The following KIRREL3 variants were observed in gnomAD, a reference collection of about 807,000 sequenced individuals.
The protein encoded by KIRREL3 is kin of IRRE-like protein 3.
A neutral mutation model predicts 89.7 loss-of-function variants in KIRREL3; 36 were observed. The ratio of observed to expected loss-of-function variants is 0.40; its 90% confidence interval spans 0.31 to 0.53. KIRREL3 has a LOEUF of 0.53. Ranked by LOEUF, KIRREL3 falls within the 20% of genes least tolerant of loss-of-function variation. The pLI is 0.49. For synonymous variants in KIRREL3, 445 were observed against 441.4 expected, an observed-to-expected ratio of 1.01 and a Z score of -0.10; for missense variants, 864 against 1,056.6, an observed-to-expected ratio of 0.82 and a Z score of 2.53.
In KIRREL3 at chr11:126,776,357, A is replaced by T. The variant is rs1950168924; in HGVS notation, c.56-213445T>A. On this transcript the variant is annotated intron_variant, in intron 1 of 16. Transcript: ENST00000525144. The surrounding 1 kb of genome is among the most constrained non-coding windows in gnomAD (Gnocchi z 4.7). ...CTGAGAGTCAAAACACCTGGGCTTCAGGTCTGTCTTACGCAAGTCATGAAA... is the reference window on the plus strand; with the variant it reads ...CTGAGAGTCAAAACACCTGGGCTTCTGGTCTGTCTTACGCAAGTCATGAAA... Among the ~76,000 whole-genome samples, 1 of 152,218 alleles carries T rather than the reference A, an allele frequency of 6.6e-6. No individual in the cohort carries two copies. Among genetic ancestry groups the T allele is most frequent in the Non-Finnish European group, 1.5e-5 (1 of 68,034 alleles).
chr11:126,636,571 T>A lies in KIRREL3; in HGVS notation c.56-73659A>T, dbSNP rs1565609932. Among the ~76,000 whole-genome samples the A allele has an allele frequency of 6.6e-6, 1 of 152,210 alleles. No individual in the cohort carries two copies. ...TGCCCCTCATCCTGCCCCCCAGATC[T>A]CACTGCTCTCTGAGTCTTACCTTAG... On this transcript the variant is annotated intron_variant, in intron 1 of 16. Coordinates refer to ENST00000525144, the MANE Select transcript of KIRREL3 (RefSeq NM_032531.4). The surrounding 1 kb of genome is among the most constrained non-coding windows in gnomAD (Gnocchi z 4.4).
At chr11:126,573,081 GT>G (rs1329722762) in intron 1 of KIRREL3, among the ~76,000 whole-genome samples, 1 of 152,156 alleles carries the variant, frequency 6.6e-6, no homozygotes, top group Non-Finnish European at 1.5e-5. Context: ...GTGGGCTAAG[GT>G]CCAGTGGGCT....
In KIRREL3 at chr11:126,474,860, T is replaced by C. The variant is rs76896725; in HGVS notation, c.434-1394A>G. 6.6e-6 allele frequency among the ~76,000 whole-genome samples: 1 copy of C among 152,316 alleles called. No individual in the cohort carries two copies. The highest frequency in any genetic ancestry group is 2.4e-5 in the African/African-American group (1 of 41,562). ...GAGAGGCCCAGAAATCTGAAGTACC[T>C]TGCCTAGGACACAGGGCCTTTCCCA... is the stretch of plus-strand genomic sequence containing the variant. On this transcript the variant is annotated intron_variant, in intron 4 of 16. Transcript: ENST00000525144. The surrounding 1 kb of genome is among the most constrained non-coding windows in gnomAD (Gnocchi z 6.7).
intron 15 of KIRREL3, among the ~76,000 whole-genome samples, chr11:126,426,051 T>A (rs1044738919): frequency 6.6e-6 from 1 of 152,228 alleles, no homozygotes; most frequent in African/African-American, 2.4e-5. Context: ...GACTGAACGT[T>A]TATTGTAAAA....
At chr11:126,720,456 C>T (rs1191476138) in intron 1 of KIRREL3, among the ~76,000 whole-genome samples, 1 of 152,162 alleles carries the variant, frequency 6.6e-6, no homozygotes, top group Non-Finnish European at 1.5e-5. Flanking sequence ...AAGATTTTAC[C>T]ACTCTGGTTA....
intron 1 of KIRREL3, among the ~76,000 whole-genome samples, chr11:126,681,620 A>ACAC (rs1946459263): frequency 6.6e-6 from 1 of 152,142 alleles, no homozygotes; most frequent in South Asian, 2.1e-4. Flanking sequence ...ACACACACAC[A>ACAC]CACACACCAG....
Position 126,475,871 on chromosome 11 carries a change from G to A in KIRREL3, c.434-2405C>T, listed in dbSNP as rs1957049282. Among the ~76,000 whole-genome samples the A allele has an allele frequency of 6.6e-6, 1 of 152,222 alleles. No individual in the cohort carries two copies. Among genetic ancestry groups the A allele is most frequent in the Non-Finnish European group, 1.5e-5 (1 of 68,042 alleles). On this transcript the variant is annotated intron_variant, in intron 4 of 16. Transcript: ENST00000525144. This position sits in a 1 kb window ranked among gnomAD's most constrained non-coding sequence, Gnocchi z 7.5. Reference sequence around the variant, plus strand: ...TGCAGCAGGAAGAGCAGGGCTCAGAGGTGGCCAGCCTTCACCCTTCTTTCT... The same window carrying A: ...TGCAGCAGGAAGAGCAGGGCTCAGAAGTGGCCAGCCTTCACCCTTCTTTCT...
rs1246825858 is a variant in KIRREL3, at chr11:126,683,123, T to C, written c.56-120211A>G. 2.0e-5 allele frequency among the ~76,000 whole-genome samples: 3 copies of C among 152,132 alleles called. No homozygotes were observed. The highest frequency in any genetic ancestry group is 7.2e-5 in the African/African-American group (3 of 41,422). On this transcript the variant is annotated intron_variant, in intron 1 of 16. Transcript: ENST00000525144. The surrounding 1 kb of genome is among the most constrained non-coding windows in gnomAD (Gnocchi z 5.2). ...TTACCGCCTCAGCCTTCCAAAGTGTTGCAATTACAAGCGTGAGCCACAGCA... is the reference window on the plus strand; with the variant it reads ...TTACCGCCTCAGCCTTCCAAAGTGTCGCAATTACAAGCGTGAGCCACAGCA...
intron 11 of KIRREL3, among the ~76,000 whole-genome samples, chr11:126,437,830 TACAC>T (rs918768693): frequency 1.5e-4 from 23 of 152,062 alleles, no homozygotes; most frequent in African/African-American, 5.1e-4. Context: ...CTGCAACACA[TACAC>T]ACATTCGCCA....
In KIRREL3 at chr11:126,689,042, A is replaced by AAGAGAGAGAGAGAG. The variant is rs58257040; in HGVS notation, c.56-126144_56-126131dup. Reference sequence around the variant, plus strand: ...ATGTGTGTGTGTGTAAGGGGGAGAGAAGAGAGAGAGAGAGAGAGAGAGAGA... The same window carrying AAGAGAGAGAGAGAG: ...ATGTGTGTGTGTGTAAGGGGGAGAGAAGAGAGAGAGAGAGAGAGAGAGAGAGAGAGAGAGAGAGA... On this transcript the variant is annotated intron_variant, in intron 1 of 16. Transcript: ENST00000525144. The surrounding 1 kb of genome is among the most constrained non-coding windows in gnomAD (Gnocchi z 5.2). Among the ~76,000 whole-genome samples, 47 of 129,814 alleles carry AAGAGAGAGAGAGAG rather than the reference A, an allele frequency of 3.6e-4. No individual in the cohort carries two copies. In the South Asian group the frequency reaches 5.6e-3, roughly 15 times the overall value. The allele number at this position is 129,814 out of a possible 152,430, so 85.2% of individuals were successfully genotyped here. A position where few individuals can be genotyped will look rare whatever the true frequency, so the allele number is the denominator to read the frequency against.
chr11:126,435,203 T>TC lies in KIRREL3; in HGVS notation c.1588+64dup, dbSNP rs539539587. ...CCTCCCTACCCCCTGCTGGGTTCCC[T>TC]CCCCAGCTAGCCAGGAAGTCCCTTC... On this transcript the variant is annotated intron_variant, in intron 13 of 16. Coordinates refer to ENST00000525144, the MANE Select transcript of KIRREL3 (RefSeq NM_032531.4). The TC allele has an allele frequency of 1.7e-3, 2,698 of 1,564,156 alleles. 9 individuals carry two copies. Among genetic ancestry groups the TC allele is most frequent in the Non-Finnish European group, 2.1e-3 (2,366 of 1,136,672 alleles).
At chr11:126,933,679 C>CAATTCTTAATTAAGAATTGATATCTT (rs1456760444) in intron 1 of KIRREL3, among the ~76,000 whole-genome samples, 27 of 151,112 alleles carry the variant, frequency 1.8e-4, no homozygotes, top group Non-Finnish European at 3.5e-4. Context: ...ATTAAGATAT[C>CAATTCTTAATTAAGAATTGATATCTT]AATTCCATTT....
intron 1 of KIRREL3, among the ~76,000 whole-genome samples, chr11:126,634,411 A>G (rs1342087056): frequency 6.6e-6 from 1 of 152,194 alleles, no homozygotes; most frequent in African/African-American, 2.4e-5. Flanking sequence ...GCTCATCACA[A>G]TACCATAGTT....
chr11:126,586,639 T>C (rs958594674), intron 1 of KIRREL3, among the ~76,000 whole-genome samples: 40 of 152,134 alleles, frequency 2.6e-4, no homozygotes, highest in Non-Finnish European at 5.9e-5. Context: ...AACTCGGGTC[T>C]TTTGGCTTCA....
At position 126,876,364 on chromosome 11, in the gene KIRREL3, C is replaced by A. The variant is rs1425066812; in HGVS notation, c.55+124091G>T. Among the ~76,000 whole-genome samples, 1 of 152,072 alleles carries A rather than the reference C, an allele frequency of 6.6e-6. No individual in the cohort carries two copies. Among genetic ancestry groups the A allele is most frequent in the Non-Finnish European group, 1.5e-5 (1 of 68,020 alleles). On this transcript the variant is annotated intron_variant, in intron 1 of 16. Transcript: ENST00000525144. The surrounding 1 kb of genome is among the most constrained non-coding windows in gnomAD (Gnocchi z 4.1). ...AGGGAAAATGTGGAGAAGCAGATAG[C>A]AATGTGGTAAAAAGATGCTTGGTGC...
rs1443208564 is a variant in KIRREL3 at position 126,513,098 on chromosome 11, C to T, written c.433+8217G>A. 2.0e-5 allele frequency among the ~76,000 whole-genome samples: 3 copies of T among 152,104 alleles called. No individual in the cohort carries two copies. Among genetic ancestry groups the T allele is most frequent in the Non-Finnish European group, 4.4e-5 (3 of 68,014 alleles). Reference sequence around the variant, plus strand: ...TGACACACTCCAGAACTTCCCAGGGCTGCCCTGAAGAGCCTGTCTCTTGGT... The same window carrying T: ...TGACACACTCCAGAACTTCCCAGGGTTGCCCTGAAGAGCCTGTCTCTTGGT... On this transcript the variant is annotated intron_variant, in intron 4 of 16. Transcript: ENST00000525144. This position sits in a 1 kb window ranked among gnomAD's most constrained non-coding sequence, Gnocchi z 5.9.
In KIRREL3 at chr11:126,843,798, G is replaced by A. The variant is rs891598084; in HGVS notation, c.55+156657C>T. On this transcript the variant is annotated intron_variant, in intron 1 of 16. Transcript: ENST00000525144. The surrounding 1 kb of genome is among the most constrained non-coding windows in gnomAD (Gnocchi z 4.6). ...CCCACCAAAATCAAGATGGCAACAA[G>A]AATGACCTCTGGTCATCCTCACTGC... 2.3e-4 allele frequency among the ~76,000 whole-genome samples: 35 copies of A among 152,070 alleles called. No individual in the cohort carries two copies. The highest frequency in any genetic ancestry group is 8.5e-4 in the African/African-American group (35 of 41,404).
chr11:126,986,724 C>T (rs1479740630), intron 1 of KIRREL3, among the ~76,000 whole-genome samples: 8 of 152,138 alleles, frequency 5.3e-5, no homozygotes, highest in South Asian at 2.1e-4. Flanking sequence ...ATGACCTTAT[C>T]GTAAGTTTGG....
chr11:126,900,613 A>C lies in KIRREL3; in HGVS notation c.55+99842T>G, dbSNP rs1237733195. ...TCCTCAGAATAAATTAAGCTCAGAG[A>C]TAAAGAATTCCATTACTAATGCCTT... On this transcript the variant is annotated intron_variant, in intron 1 of 16. Transcript: ENST00000525144. The surrounding 1 kb of genome is among the most constrained non-coding windows in gnomAD (Gnocchi z 4.4). Among the ~76,000 whole-genome samples, 3 of 152,262 alleles carry C rather than the reference A, an allele frequency of 2.0e-5. No homozygotes were observed. In the East Asian group the frequency reaches 5.8e-4, roughly 29 times the overall value.
Sources: allele counts gnomAD v4.1 joint callset (sites outside exome capture counted in the v4.1 genomes callset), GRCh38; gene constraint gnomAD v4.1.1; non-coding constraint Gnocchi (gnomAD v3.1); transcripts MANE v1.5; gene names NCBI Gene and HGNC (gene_info 2026-07-23, HGNC 2026-07-21).